Variants in ARHGAP24 observed in about 807,000 individuals in gnomAD.
ARHGAP24 encodes the protein Rho GTPase activating protein 24, also known as rho GTPase-activating protein 24.
In ARHGAP24, 50 loss-of-function variants were observed where a neutral mutation model predicts 76.4. That is an observed-to-expected ratio of 0.65 (90% confidence interval 0.52 to 0.83). The LOEUF (loss-of-function observed/expected upper bound fraction) is 0.83. Ranked by LOEUF, ARHGAP24 falls within the 40% of genes least tolerant of loss-of-function variation. The probability of loss-of-function intolerance (pLI) is 0.00; values close to 1 mark genes in which losing one functional copy is unlikely to be tolerated. For missense variants in ARHGAP24, 930 were observed against 914.2 expected, an observed-to-expected ratio of 1.02 and a Z score of -0.22; for synonymous variants, 345 against 323.3, an observed-to-expected ratio of 1.07 and a Z score of -0.72.
chr4:85,583,890 A>G (rs1317446784), intron 2 of ARHGAP24, among the ~76,000 whole-genome samples: 1 of 147,518 alleles, frequency 6.8e-6, no homozygotes, highest in East Asian at 2.3e-4. Flanking sequence ...AACCACAATG[A>G]GATACCATCT....
At chr4:85,510,921 G>A (rs547830448) in intron 1 of ARHGAP24, among the ~76,000 whole-genome samples, 1 of 151,880 alleles carries the variant, frequency 6.6e-6, no homozygotes, top group African/African-American at 2.4e-5. Context: ...GTAAAATGCT[G>A]GCTGCATAGT....
At chr4:85,744,543 C>G (rs1725952328) in intron 3 of ARHGAP24, among the ~76,000 whole-genome samples, 2 of 152,146 alleles carry the variant, frequency 1.3e-5, no homozygotes, top group Admixed American at 6.5e-5. Flanking sequence ...TTAAATGCTA[C>G]CCCAGTGTTT....
chr4:85,658,728 A>G (rs1722271313), intron 2 of ARHGAP24, among the ~76,000 whole-genome samples: 1 of 152,168 alleles, frequency 6.6e-6, no homozygotes, highest in South Asian at 2.1e-4. Flanking sequence ...CACTCAAGCC[A>G]TTTTTTCTCA....
intron 2 of ARHGAP24, among the ~76,000 whole-genome samples, chr4:85,702,455 T>C (rs1451918662): frequency 6.6e-6 from 1 of 152,206 alleles, no homozygotes; most frequent in Non-Finnish European, 1.5e-5. Flanking sequence ...ATAATTAACA[T>C]TTTTGACAGC....
intron 2 of ARHGAP24, among the ~76,000 whole-genome samples, chr4:85,684,873 G>A (rs909103519): frequency 3.9e-5 from 6 of 152,174 alleles, no homozygotes; most frequent in Non-Finnish European, 8.8e-5. Context: ...GCTCTACTTG[G>A]CATACCCTTA....
In ARHGAP24 at chr4:85,721,886, G is replaced by A. The variant is rs575623188; in HGVS notation, c.182G>A (p.Gly61Asp). The A allele has an allele frequency of 1.9e-6, 3 of 1,612,926 alleles. No individual in the cohort carries two copies. The highest frequency in any genetic ancestry group is 4.5e-5 in the East Asian group (2 of 44,792). The part of the protein sequence containing the change: ...FKDEDETKPL[G>D]TIFLPGNKVS... ...TGTTTTGGGTATTTGTTTTCACAGG[G>A]TACTATTTTTCTGCCTGGAAATAAA... Residue 61 changes from glycine (G) to aspartate (D), a missense_variant and splice_region_variant, in exon 3 of 10, where the codon GGT becomes GAT. Physicochemically the swap from Gly to Asp is moderately conservative, Grantham distance 94 (BLOSUM62 -1). Coordinates refer to ENST00000395184, the MANE Select transcript of ARHGAP24 (RefSeq NM_001025616.3).
At chr4:85,746,428 C>T (rs1726039264) in intron 3 of ARHGAP24, among the ~76,000 whole-genome samples, 1 of 152,188 alleles carries the variant, frequency 6.6e-6, no homozygotes, top group Non-Finnish European at 1.5e-5. Context: ...ATAACCAACT[C>T]CAAAATACTT....
intron 1 of ARHGAP24, 122 bp from the exon 2 acceptor site, chr4:85,570,400 T>G (rs1040252191): frequency 2.8e-6 from 1 of 354,876 alleles, no homozygotes. Context: ...CTTTCTTTCT[T>G]TCTTTCTTTC....
At chr4:85,990,217 G>A (rs1470498312) in intron 8 of ARHGAP24, 2 of 151,532 alleles carry the variant, frequency 1.3e-5, no homozygotes, top group Non-Finnish European at 1.5e-5. Flanking sequence ...AAAATATTTA[G>A]GGAGAAATTT....
At chr4:85,737,510 G>A (rs893100712) in intron 3 of ARHGAP24, among the ~76,000 whole-genome samples, 9 of 152,306 alleles carry the variant, frequency 5.9e-5, no homozygotes, top group African/African-American at 2.2e-4. Flanking sequence ...TACACAGAAG[G>A]AGCCAAGCAC....
chr4:85,669,534 A>G (rs922325378), intron 2 of ARHGAP24, among the ~76,000 whole-genome samples: 2 of 151,452 alleles, frequency 1.3e-5, no homozygotes, highest in African/African-American at 2.4e-5. Flanking sequence ...GTATGTTTGT[A>G]TGTAGGTATG....
At chr4:85,985,592 TGTGTAACAAAC>T (rs1335811036) in intron 8 of ARHGAP24, among the ~76,000 whole-genome samples, 1 of 152,184 alleles carries the variant, frequency 6.6e-6, no homozygotes, top group Admixed American at 6.5e-5. Flanking sequence ...CAAGTTTACC[TGTGTAACAAAC>T]GTGCAGTTAT....
At chr4:85,524,446 A>AGAT (rs1326455267) in intron 1 of ARHGAP24, among the ~76,000 whole-genome samples, 1 of 152,186 alleles carries the variant, frequency 6.6e-6, no homozygotes, top group African/African-American at 2.4e-5. Context: ...AGAACTATAG[A>AGAT]GATAATAATA....
intron 1 of ARHGAP24, among the ~76,000 whole-genome samples, chr4:85,487,672 A>G (rs1401486768): frequency 2.0e-5 from 2 of 102,330 alleles, no homozygotes; most frequent in Non-Finnish European, 3.5e-5. Flanking sequence ...ATATAAACAT[A>G]TATTTATTAT....
intron 3 of ARHGAP24, among the ~76,000 whole-genome samples, chr4:85,750,493 T>A (rs963775866): frequency 1.0e-5 from 1 of 95,500 alleles, no homozygotes; most frequent in Admixed American, 1.3e-4. Context: ...TCCTTTTTTT[T>A]TTTTTTTTTT....
intron 4 of ARHGAP24, among the ~76,000 whole-genome samples, chr4:85,933,227 G>A (rs1273603489): frequency 6.6e-6 from 1 of 151,984 alleles, no homozygotes; most frequent in East Asian, 1.9e-4. Context: ...AATGCCTAGA[G>A]GTAAAAAAAT....
intron 3 of ARHGAP24, among the ~76,000 whole-genome samples, chr4:85,769,803 G>A (rs1727065976): frequency 6.6e-6 from 1 of 151,968 alleles, no homozygotes; most frequent in Non-Finnish European, 1.5e-5. Flanking sequence ...TAGCCAGGCT[G>A]GTCTTGAACT....
chr4:85,787,773 A>G (rs1257486015), intron 3 of ARHGAP24, among the ~76,000 whole-genome samples: 1 of 152,134 alleles, frequency 6.6e-6, no homozygotes, highest in African/African-American at 2.4e-5. Flanking sequence ...TAAGTGCTCC[A>G]AGTTCTGCCA....
intron 2 of ARHGAP24, among the ~76,000 whole-genome samples, chr4:85,600,155 A>G (rs1234401960): frequency 6.6e-6 from 1 of 152,188 alleles, no homozygotes; most frequent in Non-Finnish European, 1.5e-5. Flanking sequence ...AGGTGCAAAG[A>G]CGCTGGGGTA....
Sources: allele counts gnomAD v4.1 joint callset (sites outside exome capture counted in the v4.1 genomes callset), GRCh38; gene constraint gnomAD v4.1.1; transcripts MANE v1.5; gene names NCBI Gene and HGNC (gene_info 2026-07-23, HGNC 2026-07-21).